USH2A: variants seen among roughly 807,000 people sequenced by gnomAD.
USH2A encodes the protein usherin, also known as Usher syndrome 2A (autosomal recessive, mild).
In USH2A, 443 loss-of-function variants were observed where a neutral mutation model predicts 538.9. The ratio of observed to expected loss-of-function variants is 0.82; its 90% CI spans 0.76 to 0.89. USH2A has a LOEUF of 0.89. USH2A is among the 40% of genes least tolerant of loss of function. The pLI, the probability that USH2A is intolerant of heterozygous loss-of-function variation, is 0.00. For synonymous variants in USH2A, 2,413 were observed against 2,273.5 expected, an observed-to-expected ratio of 1.06 and a Z score of -1.75; for missense variants, 6,633 against 6,324.8, an observed-to-expected ratio of 1.05 and a Z score of -1.65.
At chr1:215,663,062 A>G (rs191841431) in intron 64 of USH2A, among the ~76,000 whole-genome samples, 1 of 152,328 alleles carries the variant, frequency 6.6e-6, no homozygotes, top group Admixed American at 6.5e-5. Flanking sequence ...GAGAAGAGAA[A>G]TGGCAAGGAT....
chr1:216,067,512 G>T (rs1571931048), intron 30 of USH2A, among the ~76,000 whole-genome samples: 2 of 151,182 alleles, frequency 1.3e-5, no homozygotes, highest in Admixed American at 1.3e-4. Flanking sequence ...AAAAAAAAAG[G>T]CTATGAAAAA....
intron 20 of USH2A, among the ~76,000 whole-genome samples, chr1:216,181,748 T>C (rs766090798): frequency 2.0e-5 from 3 of 152,078 alleles, no homozygotes; most frequent in African/African-American, 4.8e-5. Context: ...GAAGCTTTTA[T>C]GGGGCTTATG....
At chr1:216,175,983 C>T (rs1318336367) in intron 20 of USH2A, among the ~76,000 whole-genome samples, 1 of 152,140 alleles carries the variant, frequency 6.6e-6, no homozygotes, top group Non-Finnish European at 1.5e-5. Context: ...TAGCACTAAA[C>T]CCATAGGGCA....
At chr1:215,870,838 G>A (rs950760856) in intron 43 of USH2A, among the ~76,000 whole-genome samples, 2 of 151,850 alleles carry the variant, frequency 1.3e-5, no homozygotes, top group South Asian at 4.2e-4. Flanking sequence ...TATTAAATGG[G>A]ACATTCCATT....
chr1:216,146,080 A>G (rs966481348), intron 21 of USH2A, among the ~76,000 whole-genome samples: 15 of 151,946 alleles, frequency 9.9e-5, no homozygotes, highest in African/African-American at 3.6e-4. Context: ...GGATCGGGGG[A>G]CCTCCCTTGG....
chr1:215,948,064 T>C (rs1352933128), intron 37 of USH2A, among the ~76,000 whole-genome samples: 1 of 152,056 alleles, frequency 6.6e-6, no homozygotes, highest in Non-Finnish European at 1.5e-5. Flanking sequence ...TTGCAATTGC[T>C]GGGCTTCTGA....
In USH2A at chr1:215,758,736, C is replaced by T. The variant is rs999582580; in HGVS notation, c.11248G>A (p.Glu3750Lys). The T allele has an allele frequency of 4.3e-6, 7 of 1,613,784 alleles. No homozygotes were observed. Among genetic ancestry groups the T allele is most frequent in the Non-Finnish European group, 5.9e-6 (7 of 1,179,936 alleles). Residue 3750 changes from glutamate (E) to lysine (K), a missense_variant, in exon 58 of 72, where the codon GAA (glutamate) becomes AAA (lysine). Transcript: ENST00000307340. ...EPNSRYTYKLEVKTGGGSSAS... is the reference protein window; with the variant it reads ...EPNSRYTYKLKVKTGGGSSAS... ...CTGCTGCCACCTCCAGTTTTGACTT[C>T]TAACTTGTAAGTGTATCTATATTTA...
chr1:216,382,827 A>G (rs1039566729), intron 3 of USH2A, among the ~76,000 whole-genome samples: 1 of 152,186 alleles, frequency 6.6e-6, no homozygotes, highest in Non-Finnish European at 1.5e-5. Context: ...ACTAGAGTAC[A>G]TACAACTTCT....
intron 64 of USH2A, among the ~76,000 whole-genome samples, chr1:215,663,008 T>C (rs1657491768): frequency 6.6e-6 from 1 of 152,194 alleles, no homozygotes; most frequent in African/African-American, 2.4e-5. Context: ...CTATCAGAGT[T>C]TGGAATTTTA....
chr1:215,637,148 G>T (rs377149036), intron 69 of USH2A, among the ~76,000 whole-genome samples: 1 of 152,066 alleles, frequency 6.6e-6, no homozygotes, highest in South Asian at 2.1e-4. Context: ...GAGTAAATCC[G>T]TCTCTGTTGA....
chr1:215,879,540 C>A (rs1158601912), intron 41 of USH2A, among the ~76,000 whole-genome samples: 1 of 152,160 alleles, frequency 6.6e-6, no homozygotes, highest in Admixed American at 6.5e-5. Flanking sequence ...AAATAAGTCA[C>A]TTTTTCTTGG....
chr1:216,154,895 G>A (rs1324472020), intron 21 of USH2A, among the ~76,000 whole-genome samples: 1 of 148,078 alleles, frequency 6.8e-6, no homozygotes, highest in Non-Finnish European at 1.5e-5. Flanking sequence ...GTATGTGTGT[G>A]CCAGCCTTTT....
intron 58 of USH2A, among the ~76,000 whole-genome samples, chr1:215,749,149 G>A (rs547835707): frequency 8.9e-4 from 135 of 152,064 alleles, no homozygotes; most frequent in Admixed American, 1.5e-3. Context: ...TTGGAGTGGC[G>A]TTCCCTCCAA....
At chr1:215,689,175 A>C (rs914358946) in intron 61 of USH2A, among the ~76,000 whole-genome samples, 1 of 152,190 alleles carries the variant, frequency 6.6e-6, no homozygotes, top group Non-Finnish European at 1.5e-5. Context: ...TGGTCTTGTT[A>C]AGTTCAAGAT....
intron 21 of USH2A, among the ~76,000 whole-genome samples, chr1:216,171,372 C>G (rs1168504234): frequency 6.6e-6 from 1 of 151,784 alleles, no homozygotes; most frequent in Non-Finnish European, 1.5e-5. Flanking sequence ...CAAGTCCTCA[C>G]CACTAAGTCA....
chr1:216,094,879 C>G (rs1250149835), intron 22 of USH2A, among the ~76,000 whole-genome samples: 1 of 151,956 alleles, frequency 6.6e-6, no homozygotes, highest in African/African-American at 2.4e-5. Flanking sequence ...GATTCCTCAC[C>G]TGTAAAATGG....
At chr1:216,101,071 T>A (rs192375033) in intron 21 of USH2A, among the ~76,000 whole-genome samples, 107 of 152,306 alleles carry the variant, frequency 7.0e-4, no homozygotes, top group Non-Finnish European at 1.1e-3. Context: ...CTCTTTACAC[T>A]GCCAAAATAA....
intron 4 of USH2A, among the ~76,000 whole-genome samples, chr1:216,341,819 T>G (rs1396986852): frequency 6.6e-6 from 1 of 152,126 alleles, no homozygotes; most frequent in Non-Finnish European, 1.5e-5. Flanking sequence ...CTGGAACCTT[T>G]CCTTACACCT....
intron 21 of USH2A, among the ~76,000 whole-genome samples, chr1:216,125,671 T>C (rs371947): frequency 0.9 from 137,115 of 152,210 alleles, 62,040 homozygotes; most frequent in East Asian, 0.98. Flanking sequence ...AGTGGTTCCA[T>C]CTCTTCAATG....
Sources: allele counts gnomAD v4.1 joint callset (sites outside exome capture counted in the v4.1 genomes callset), GRCh38; gene constraint gnomAD v4.1.1; transcripts MANE v1.5; gene names NCBI Gene and HGNC (gene_info 2026-07-23, HGNC 2026-07-21).